C10orf90: variants seen among roughly 807,000 people sequenced by gnomAD.
C10orf90 encodes chromosome 10 open reading frame 90.
A neutral mutation model predicts 62.5 loss-of-function variants in C10orf90; 56 were observed. The ratio of observed to expected loss-of-function variants is 0.90; its 90% CI spans 0.72 to 1.12. The LOEUF is 1.12. C10orf90 is among the 50% of genes most tolerant of loss of function. The pLI is 0.00. For missense variants in C10orf90, 970 were observed against 880.4 expected (o/e 1.10, Z -1.29); for synonymous variants, 386 against 340.4 (o/e 1.13, Z -1.47).
intron 2 of C10orf90, among the ~76,000 whole-genome samples, chr10:126,554,678 C>G (rs1187930113): frequency 2.0e-5 from 3 of 152,220 alleles, no homozygotes; most frequent in African/African-American, 7.2e-5. Flanking sequence ...CTGCTACCAA[C>G]TTTCTCTGGA....
At chr10:126,503,556 G>T (rs1278410145) in intron 4 of C10orf90, among the ~76,000 whole-genome samples, 2 of 152,162 alleles carry the variant, frequency 1.3e-5, no homozygotes. Flanking sequence ...CAGAAATCTG[G>T]ACACTTCCAA....
intron 4 of C10orf90, among the ~76,000 whole-genome samples, chr10:126,489,666 A>G (rs1861612981): frequency 6.6e-6 from 1 of 152,068 alleles, no homozygotes; most frequent in African/African-American, 2.4e-5. Flanking sequence ...ACAGAATAAC[A>G]GTTCCTCAAA....
intron 2 of C10orf90, among the ~76,000 whole-genome samples, chr10:126,628,365 A>C (rs1056162841): frequency 6.6e-5 from 10 of 152,198 alleles, no homozygotes; most frequent in Admixed American, 1.3e-4. Context: ...GGGTGGGTGG[A>C]TGGATGGATA....
intron 2 of C10orf90, among the ~76,000 whole-genome samples, chr10:126,639,720 T>C (rs756232753): frequency 6.6e-6 from 1 of 152,260 alleles, no homozygotes; most frequent in Non-Finnish European, 1.5e-5. Context: ...GCTGATGCAT[T>C]TCTGTCTGAC....
rs1291516745 is a variant in C10orf90, at chr10:126,621,577, C to T, written c.313+24988G>A. On this transcript the variant is annotated intron_variant, in intron 2 of 9. Transcript: ENST00000488181. ...TCCCCATATATTCCCACCATCTGTG[C>T]TTTGTGCATGGAAAGAATTAATAAA... is the stretch of plus-strand genomic sequence containing the variant. Among the ~76,000 whole-genome samples, 4 of 152,254 alleles carry T rather than the reference C, an allele frequency of 2.6e-5. No individual in the cohort carries two copies. In the East Asian group the frequency reaches 7.7e-4, roughly 29 times the overall value.
At chr10:126,526,555 T>A (rs1863953170) in intron 2 of C10orf90, among the ~76,000 whole-genome samples, 1 of 152,206 alleles carries the variant, frequency 6.6e-6, no homozygotes, top group African/African-American at 2.4e-5. Context: ...ACTAATTTTT[T>A]TAATAACAGC....
chr10:126,521,159 T>C lies in C10orf90; in HGVS notation c.314-7220A>G, dbSNP rs1028880559. On this transcript the variant is annotated intron_variant, in intron 2 of 9. Transcript: ENST00000488181. ...GTGTCTCCCCAAGTTGGCCCAGGTC[T>C]TTAGAGATACCTGGTTCATCTCCTT... 7 of 927,022 alleles carry C rather than the reference T, an allele frequency of 7.6e-6. No individual in the cohort carries two copies. The Admixed American group carries it at 1.1e-4, about 14-fold the overall frequency. The allele number at this position is 927,022 out of a possible 1,614,324, so 57.4% of individuals were successfully genotyped here.
At chr10:126,586,204 CA>C (rs1317526965) in intron 2 of C10orf90, among the ~76,000 whole-genome samples, 1 of 152,196 alleles carries the variant, frequency 6.6e-6, no homozygotes, top group African/African-American at 2.4e-5. Flanking sequence ...AAGCAATCGT[CA>C]CAAACCAATA....
chr10:126,469,440 G>A (rs1860451870), intron 4 of C10orf90, among the ~76,000 whole-genome samples: 1 of 152,172 alleles, frequency 6.6e-6, no homozygotes, highest in South Asian at 2.1e-4. Flanking sequence ...GCCTCCCTGA[G>A]TGTAAACCAC....
rs547764596 is a variant in C10orf90 at position 126,533,090 on chromosome 10, G to A, written c.314-19151C>T. On this transcript the variant is annotated intron_variant, in intron 2 of 9. Transcript: ENST00000488181. ...TGGGACTACAGGAACCCGCCACCAC[G>A]CCCGGCTAATGTTTTTTGTATTTTT... Among the ~76,000 whole-genome samples the A allele has an allele frequency of 9.3e-5, 14 of 151,212 alleles. No individual in the cohort carries two copies. The East Asian group carries it at 2.8e-3, about 30-fold the overall frequency.
At chr10:126,571,874 A>T (rs1370532394) in intron 2 of C10orf90, among the ~76,000 whole-genome samples, 2 of 152,188 alleles carry the variant, frequency 1.3e-5, no homozygotes, top group Non-Finnish European at 2.9e-5. Flanking sequence ...CAATGCAGGT[A>T]GTCAGGCCTT....
At chr10:126,602,617 C>A (rs913705473) in intron 2 of C10orf90, among the ~76,000 whole-genome samples, 3 of 152,182 alleles carry the variant, frequency 2.0e-5, no homozygotes, top group Non-Finnish European at 4.4e-5. Flanking sequence ...CTGGTTTGGA[C>A]AGAGCCCATA....
chr10:126,662,591 G>A (rs141511361), intron 1 of C10orf90, among the ~76,000 whole-genome samples: 26 of 152,122 alleles, frequency 1.7e-4, no homozygotes, highest in African/African-American at 5.1e-4. Flanking sequence ...CTGTGCCCCC[G>A]TTCAGAAATT....
In C10orf90 at chr10:126,505,010, T is replaced by C. The variant is rs75904847; in HGVS notation, c.481A>G (p.Arg161Gly). The C allele has an allele frequency of 9.8e-4, 1,580 of 1,614,246 alleles. 5 individuals are homozygous for C. Among genetic ancestry groups the C allele is most frequent in the Middle Eastern group, 7.8e-3 (47 of 6,062 alleles). Residue 161 changes from arginine to glycine, a missense_variant, in exon 4 of 10, where the codon AGA becomes GGA. Arg to Gly is a moderately radical substitution (Grantham distance 125). Coordinates refer to ENST00000488181, the MANE Select transcript of C10orf90 (RefSeq NM_001350921.2). ...ISQMIDENKS[R>G]ENRASLPLPC... ...AGGGGCAAGGAGGCCCTGTTTTCTC[T>C]TGACTTATTCTCATCAATCATCTGG...
At chr10:126,537,315 CT>C (rs1048817497) in intron 2 of C10orf90, among the ~76,000 whole-genome samples, 5 of 152,168 alleles carry the variant, frequency 3.3e-5, no homozygotes, top group African/African-American at 1.2e-4. Context: ...TAAATGTAGC[CT>C]TTACCTAAAA....
intron 2 of C10orf90, among the ~76,000 whole-genome samples, chr10:126,626,540 C>A (rs549907878): frequency 6.6e-6 from 1 of 152,162 alleles, no homozygotes; most frequent in African/African-American, 2.4e-5. Context: ...GATAATAAAA[C>A]CTTACCCTGG....
Position 126,668,128 on chromosome 10 carries a change from T to C in C10orf90, c.240+2113A>G, listed in dbSNP as rs562384622. ...ATGGTTTTGGAAAAATTTGAGTCTG[T>C]AGGTTTTACACTAAAATCAAGCAGA... On this transcript the variant is annotated intron_variant, in intron 1 of 9. Coordinates refer to ENST00000488181, the MANE Select transcript of C10orf90 (RefSeq NM_001350921.2). Among the ~76,000 whole-genome samples the C allele has an allele frequency of 2.0e-5, 3 of 152,314 alleles. No individual in the cohort carries two copies. The South Asian group carries it at 6.2e-4, about 32-fold the overall frequency.
At chr10:126,494,497 A>G (rs1183804313) in intron 4 of C10orf90, among the ~76,000 whole-genome samples, 1 of 152,192 alleles carries the variant, frequency 6.6e-6, no homozygotes, top group East Asian at 1.9e-4. Flanking sequence ...GACTCTGGAA[A>G]AAAGAAAGAA....
rs184318176 is a variant in C10orf90, at chr10:126,642,772, C to G, written c.313+3793G>C. On this transcript the variant is annotated intron_variant, in intron 2 of 9. Coordinates refer to ENST00000488181, the MANE Select transcript of C10orf90 (RefSeq NM_001350921.2). ...CTTGATCTCTATGCCACACTGCCAGCTGCTTCGCGAGCATCTGGAGCAGAT... is the reference window on the plus strand; with the variant it reads ...CTTGATCTCTATGCCACACTGCCAGGTGCTTCGCGAGCATCTGGAGCAGAT... Among the ~76,000 whole-genome samples the G allele has an allele frequency of 5.5e-3, 843 of 152,292 alleles. 5 individuals are homozygous for G. Among genetic ancestry groups the G allele is most frequent in the Non-Finnish European group, 9.2e-3 (626 of 68,024 alleles).
Sources: gnomAD v4.1 joint callset for allele counts (sites outside exome capture counted in the v4.1 genomes callset) on GRCh38, gnomAD v4.1.1 for gene constraint, MANE v1.5 for transcripts, NCBI Gene and HGNC (gene_info 2026-07-23, HGNC 2026-07-21) for gene names.